The following FASTKD1 variants were observed in gnomAD, a reference collection of about 807,000 sequenced individuals.
FASTKD1 encodes the protein FAST kinase domain-containing protein 1, mitochondrial.
Under a neutral mutation model 90.9 loss-of-function variants are expected in FASTKD1, and 94 were observed. The ratio of observed to expected loss-of-function variants is 1.03; its 90% CI spans 0.88 to 1.23. The LOEUF is 1.23. FASTKD1 is among the 50% of genes most tolerant of loss of function. FASTKD1 has a pLI of 0.00. For missense variants in FASTKD1, 945 were observed against 993.5 expected, an observed-to-expected ratio of 0.95 and a Z score of 0.66; for synonymous variants, 319 against 345.8, an observed-to-expected ratio of 0.92 and a Z score of 0.86.
chr2:169,540,866 T>C (rs1684930754), intron 9 of FASTKD1, among the ~76,000 whole-genome samples: 1 of 152,152 alleles, frequency 6.6e-6, no homozygotes, highest in Non-Finnish European at 1.5e-5. Context: ...GCTGAGGTCT[T>C]GCCTAGCACC....
At chr2:169,561,784 A>AATTTATTGTAAATTATTT (rs1683635074) in intron 4 of FASTKD1, among the ~76,000 whole-genome samples, 1 of 141,418 alleles carries the variant, frequency 7.1e-6, no homozygotes, top group Non-Finnish European at 1.5e-5. Context: ...ATTATTTATT[A>AATTTATTGTAAATTATTT]ATTTATTGTA....
At chr2:169,572,447 C>T (rs1198028159) in intron 1 of FASTKD1, among the ~76,000 whole-genome samples, 3 of 151,218 alleles carry the variant, frequency 2.0e-5, no homozygotes, top group Non-Finnish European at 4.4e-5. Context: ...GCTGTCTTTT[C>T]GAAAAAGAGG....
chr2:169,557,301 G>T lies in FASTKD1; in HGVS notation c.972-4C>A. On this transcript the variant is annotated splice_region_variant and splice_polypyrimidine_tract_variant and intron_variant, in intron 5 of 14. Coordinates refer to ENST00000453153, the MANE Select transcript of FASTKD1 (RefSeq NM_024622.6). ...CAATAACATAGTTGATTTAAGTCTA[G>T]AAGCAAAAAAAAAAAAGTTTTTGGT... 2 of 1,479,666 alleles carry T rather than the reference G, an allele frequency of 1.4e-6. No individual in the cohort carries two copies. The highest frequency in any genetic ancestry group is 2.5e-5 in the East Asian group (1 of 40,126). The allele number at this position is 1,479,666 out of a possible 1,614,324, so 91.7% of individuals were successfully genotyped here. A position where few individuals can be genotyped will look rare whatever the true frequency, so the allele number is the denominator to read the frequency against.
intron 3 of FASTKD1, among the ~76,000 whole-genome samples, chr2:169,567,775 G>C (rs1351973202): frequency 6.6e-6 from 1 of 152,172 alleles, no homozygotes; most frequent in Non-Finnish European, 1.5e-5. Flanking sequence ...TAGAGGGAGA[G>C]TTGCTCTGTA....
intron 7 of FASTKD1, among the ~76,000 whole-genome samples, chr2:169,551,816 A>G (rs1685502267): frequency 1.3e-5 from 2 of 152,284 alleles, no homozygotes; most frequent in South Asian, 4.1e-4. Context: ...AATCATACTA[A>G]TGATTCCATT....
At chr2:169,555,319 T>C in intron 6 of FASTKD1, 64 bp from the exon 7 acceptor site, 1 of 1,380,924 alleles carries the variant, frequency 7.2e-7, no homozygotes, top group Non-Finnish European at 1.0e-6. Flanking sequence ...ACTATGGTGC[T>C]TTCACACCAG....
chr2:169,546,707 G>A lies in FASTKD1; in HGVS notation c.1215-3C>T. The A allele has an allele frequency of 6.3e-7, 1 of 1,586,660 alleles. No individual in the cohort carries two copies. The highest frequency in any genetic ancestry group is 1.9e-5 in the Admixed American group (1 of 53,950). On this transcript the variant is annotated splice_region_variant and splice_polypyrimidine_tract_variant and intron_variant, in intron 7 of 14. Transcript: ENST00000453153. ...GTATGAAACTATTTTTCAAATAACTGCAAAATGAAAAATGAAAAGAATACA... is the reference window on the plus strand; with the variant it reads ...GTATGAAACTATTTTTCAAATAACTACAAAATGAAAAATGAAAAGAATACA...
intron 5 of FASTKD1, 138 bp downstream of exon 5, chr2:169,560,249 G>A (rs1683516841): frequency 2.0e-6 from 1 of 506,670 alleles, no homozygotes; most frequent in Non-Finnish European, 3.4e-6. Flanking sequence ...GAATCAAGGA[G>A]CAGAGCATAA....
Position 169,529,749 on chromosome 2 carries a change from T to C in FASTKD1, c.*76A>G. ...TCCCACCTTAGGACATTTGTACCTA[T>C]TTTTTAATTGAGACAGGCCACTTTA... On this transcript the variant is annotated 3_prime_UTR_variant, in exon 15 of 15. Transcript: ENST00000453153. 1.0e-6 allele frequency: 1 copy of C among 978,602 alleles called. No homozygotes were observed. The highest frequency in any genetic ancestry group is 1.6e-5 in the South Asian group (1 of 64,070). The allele number at this position is 978,602 out of a possible 1,614,324, so 60.6% of individuals were successfully genotyped here. A position where few individuals can be genotyped will look rare whatever the true frequency, so the allele number is the denominator to read the frequency against.
chr2:169,553,119 C>T (rs1019101225), intron 7 of FASTKD1, among the ~76,000 whole-genome samples: 2 of 151,758 alleles, frequency 1.3e-5, no homozygotes, highest in East Asian at 3.9e-4. Context: ...ACAGGAAAAT[C>T]GCTTGAACCT....
chr2:169,556,563 C>T (rs796282165), intron 6 of FASTKD1, among the ~76,000 whole-genome samples: 7 of 151,762 alleles, frequency 4.6e-5, no homozygotes, highest in Admixed American at 1.3e-4. Context: ...GTGGCTCAGG[C>T]CTGTAATCCC....
Position 169,569,250 on chromosome 2 carries a change from A to C in FASTKD1, c.380T>G (p.Phe127Cys). 6.2e-7 allele frequency: 1 copy of C among 1,613,912 alleles called. No individual in the cohort carries two copies. Among genetic ancestry groups the C allele is most frequent in the Non-Finnish European group, 8.5e-7 (1 of 1,179,868 alleles). ...LVNVLYVTQQ[F>C]AGEAHDPLVE... Reference sequence around the variant, plus strand: ...TAGCGGGTCATGGGCCTCACCAGCAAACCTTAATAAAAAAGAAAGAATCCT... The same window carrying C: ...TAGCGGGTCATGGGCCTCACCAGCACACCTTAATAAAAAAGAAAGAATCCT... Residue 127 changes from phenylalanine to cysteine, a missense_variant and splice_region_variant, in exon 3 of 15, where the codon TTT becomes TGT. Transcript: ENST00000453153.
At chr2:169,562,800 C>T (rs931432470) in intron 4 of FASTKD1, among the ~76,000 whole-genome samples, 5 of 152,108 alleles carry the variant, frequency 3.3e-5, no homozygotes, top group African/African-American at 1.2e-4. Context: ...CTCAGAGCTC[C>T]TCTCCTGGAT....
intron 1 of FASTKD1, among the ~76,000 whole-genome samples, chr2:169,572,553 T>TAC (rs1491292463): frequency 0.038 from 98 of 2,548 alleles, no homozygotes; most frequent in African/African-American, 0.052. Context: ...ATATATATAC[T>TAC]TTTTTTTTTT....
At chr2:169,558,360 C>T (rs879337238) in intron 5 of FASTKD1, among the ~76,000 whole-genome samples, 10 of 152,084 alleles carry the variant, frequency 6.6e-5, no homozygotes, top group African/African-American at 2.2e-4. Flanking sequence ...CAGGTTCAAG[C>T]GATTCTCCTG....
At chr2:169,539,769 A>G (rs1211301492) in intron 10 of FASTKD1, among the ~76,000 whole-genome samples, 1 of 152,204 alleles carries the variant, frequency 6.6e-6, no homozygotes, top group Non-Finnish European at 1.5e-5. Flanking sequence ...GTCTCAAAAC[A>G]AAACAAAAAA....
intron 9 of FASTKD1, 104 bp downstream of exon 9, chr2:169,544,617 A>AT: frequency 1.5e-6 from 1 of 684,754 alleles, no homozygotes; most frequent in Middle Eastern, 3.9e-4. Context: ...TAGATAATTC[A>AT]TGTCTATTAT....
At chr2:169,537,072 T>C in intron 12 of FASTKD1, 155 bp downstream of exon 12, 2 of 511,884 alleles carry the variant, frequency 3.9e-6, no homozygotes, top group South Asian at 4.6e-5. Flanking sequence ...TGAGGATTTA[T>C]TCTATTGCTC....
chr2:169,558,382 A>C (rs1484523025), intron 5 of FASTKD1, among the ~76,000 whole-genome samples: 3 of 144,844 alleles, frequency 2.1e-5, no homozygotes, highest in Admixed American at 6.8e-5. Context: ...CTCAGCCTCC[A>C]GAGTAGCTGG....
Sources: gnomAD v4.1 joint callset for allele counts (sites outside exome capture counted in the v4.1 genomes callset) on GRCh38, gnomAD v4.1.1 for gene constraint, MANE v1.5 for transcripts, NCBI Gene and HGNC (gene_info 2026-07-23, HGNC 2026-07-21) for gene names.